The following PTBP3 variants were observed in gnomAD, a reference collection of about 807,000 sequenced individuals.
PTBP3 encodes polypyrimidine tract binding protein 3.
PTBP3 carries 20 observed loss-of-function variants against 58.7 expected under a neutral mutation model. That is an observed-to-expected ratio of 0.34 (90% CI 0.24 to 0.50). PTBP3 has a LOEUF of 0.50. PTBP3 is among the 20% of genes least tolerant of loss of function. PTBP3 has a pLI of 0.98. For synonymous variants in PTBP3, 185 were observed against 219.8 expected (o/e 0.84, Z 1.40); for missense variants, 509 against 637.2 (o/e 0.80, Z 2.17).
the PTBP3 span, among the ~76,000 whole-genome samples, chr9:112,374,537 T>C: frequency 1.9e-4 from 29 of 152,274 alleles, no homozygotes; most frequent in African/African-American, 6.7e-4. Context: ...CCCTGCAAAG[T>C]ATTGTCACCT....
intron 1 of PTBP3, among the ~76,000 whole-genome samples, chr9:112,304,624 T>G (rs10481668): frequency 0.84 from 127,818 of 152,104 alleles, 53,997 homozygotes; most frequent in African/African-American, 0.92. Context: ...TGGACTGCAG[T>G]GGGATGATCA....
At chr9:112,379,857 AGCCT>A in the PTBP3 span, 1 of 517,678 alleles carries the variant, frequency 1.9e-6, no homozygotes, top group African/African-American at 2.0e-5. Context: ...CGCCGACAGG[AGCCT>A]GATTGTCACC....
intron 1 of PTBP3, among the ~76,000 whole-genome samples, chr9:112,320,012 G>T (rs374068969): frequency 1.2e-4 from 18 of 152,212 alleles, no homozygotes; most frequent in Admixed American, 2.0e-4. Context: ...GTGGTTACCA[G>T]GGGCTGGGGG....
chr9:112,279,881 A>G (rs747199896), intron 2 of PTBP3, among the ~76,000 whole-genome samples: 7 of 149,352 alleles, frequency 4.7e-5, no homozygotes, highest in Non-Finnish European at 8.9e-5. Context: ...TTTATCCCTA[A>G]GTACTTCATA....
chr9:112,234,497 G>C (rs894237133), intron 8 of PTBP3, among the ~76,000 whole-genome samples: 1 of 152,150 alleles, frequency 6.6e-6, no homozygotes, highest in Admixed American at 6.6e-5. Flanking sequence ...TAAAGACAGA[G>C]CAGCTTATAC....
intron 1 of PTBP3, among the ~76,000 whole-genome samples, chr9:112,325,187 G>A (rs1421577556): frequency 6.7e-6 from 1 of 150,060 alleles, no homozygotes; most frequent in African/African-American, 2.4e-5. Flanking sequence ...AAGGGTCCCC[G>A]GAGAACCTTC....
chr9:112,352,933 T>C, the PTBP3 span, among the ~76,000 whole-genome samples: 141,026 of 151,880 alleles, frequency 0.93, 65,553 homozygotes, highest in South Asian at 0.95. Flanking sequence ...CAGAGTCTTC[T>C]GCTCTTTCCC....
At chr9:112,254,328 C>A (rs1426974859) in intron 5 of PTBP3, among the ~76,000 whole-genome samples, 2 of 152,060 alleles carry the variant, frequency 1.3e-5, no homozygotes, top group African/African-American at 4.8e-5. Context: ...AATAACTATC[C>A]TTCCCTGGTA....
chr9:112,281,204 G>A, intron 2 of PTBP3: 1 of 203,660 alleles, frequency 4.9e-6, no homozygotes, highest in Admixed American at 4.4e-5. Context: ...CACATTTTGT[G>A]AGTACAACTT....
chr9:112,361,100 A>T, the PTBP3 span, among the ~76,000 whole-genome samples: 4 of 151,842 alleles, frequency 2.6e-5, no homozygotes, highest in African/African-American at 9.7e-5. Context: ...TTATTTATTT[A>T]TTTTTTGTTT....
intron 2 of PTBP3, among the ~76,000 whole-genome samples, chr9:112,287,200 T>C (rs896149679): frequency 2.6e-5 from 4 of 152,160 alleles, no homozygotes; most frequent in African/African-American, 9.7e-5. Flanking sequence ...TATGAAGATT[T>C]AGGATAATTT....
chr9:112,254,545 T>C (rs1836269054), intron 5 of PTBP3, among the ~76,000 whole-genome samples: 1 of 152,058 alleles, frequency 6.6e-6, no homozygotes, highest in Non-Finnish European at 1.5e-5. Flanking sequence ...ATACAAACAA[T>C]GCAACCCAAA....
upstream of PTBP3, among the ~76,000 whole-genome samples, chr9:112,336,167 C>G (rs1830575043): frequency 6.6e-6 from 1 of 152,102 alleles, no homozygotes; most frequent in Non-Finnish European, 1.5e-5. Context: ...AACCACTATG[C>G]CCAGCCTCAT....
At chr9:112,319,035 G>C (rs929767065) in intron 1 of PTBP3, among the ~76,000 whole-genome samples, 1 of 151,312 alleles carries the variant, frequency 6.6e-6, no homozygotes, top group Non-Finnish European at 1.5e-5. Flanking sequence ...GCTGAGGCAG[G>C]AGAATCTTTT....
intron 1 of PTBP3, among the ~76,000 whole-genome samples, chr9:112,311,568 G>A (rs1168313622): frequency 1.3e-5 from 2 of 152,128 alleles, no homozygotes; most frequent in African/African-American, 2.4e-5. Context: ...CATGCAGGCA[G>A]ACTTCACCTA....
intron 1 of PTBP3, among the ~76,000 whole-genome samples, chr9:112,316,986 A>C (rs1021811790): frequency 2.7e-4 from 40 of 150,158 alleles, no homozygotes; most frequent in African/African-American, 9.0e-4. Context: ...AAAAAAAAAC[A>C]GTAAAGAAAA....
At chr9:112,304,670 A>C (rs754542936) in intron 1 of PTBP3, among the ~76,000 whole-genome samples, 1 of 152,192 alleles carries the variant, frequency 6.6e-6, no homozygotes, top group Non-Finnish European at 1.5e-5. Flanking sequence ...AGGTCAAGCA[A>C]TCCTCACACC....
At chr9:112,369,920 G>T in the PTBP3 span, among the ~76,000 whole-genome samples, 1 of 152,122 alleles carries the variant, frequency 6.6e-6, no homozygotes, top group African/African-American at 2.4e-5. Flanking sequence ...TCATGATAGT[G>T]AATAAATCTC....
At chr9:112,252,453 A>C in intron 6 of PTBP3, 1 of 507,120 alleles carries the variant, frequency 2.0e-6, no homozygotes, top group Non-Finnish European at 3.5e-6. Flanking sequence ...CCTGCGTCTC[A>C]GAGATGTGAG....
Sources: gnomAD v4.1 joint callset for allele counts (sites outside exome capture counted in the v4.1 genomes callset) on GRCh38, gnomAD v4.1.1 for gene constraint, MANE v1.5 for transcripts, NCBI Gene and HGNC (gene_info 2026-07-23, HGNC 2026-07-21) for gene names.